Variants in CTNNA3 observed in about 807,000 individuals in gnomAD.
CTNNA3 encodes the protein catenin alpha 3.
A neutral mutation model predicts 95.7 loss-of-function variants in CTNNA3; 76 were observed. The ratio of observed to expected loss-of-function variants is 0.79; its 90% CI spans 0.66 to 0.96. The LOEUF (loss-of-function observed/expected upper bound fraction) is 0.96. Among genes scored for constraint, CTNNA3 ranks in the 40% least tolerant of loss-of-function variants. The pLI is 0.00. For synonymous variants in CTNNA3, 431 were observed against 374.4 expected (o/e 1.15, Z -1.74); for missense variants, 1,191 against 1,089.8 (o/e 1.09, Z -1.31).
intron 10 of CTNNA3, among the ~76,000 whole-genome samples, chr10:66,620,722 C>A (rs978881490): frequency 1.3e-5 from 2 of 152,098 alleles, no homozygotes; most frequent in Admixed American, 6.6e-5. Context: ...CCAGCTTGTT[C>A]TTACTTGTTA....
chr10:67,035,963 C>G (rs1376375217), intron 7 of CTNNA3, among the ~76,000 whole-genome samples: 1 of 152,020 alleles, frequency 6.6e-6, no homozygotes, highest in Admixed American at 6.6e-5. Flanking sequence ...TCTTGCTTTT[C>G]TTTTTTGACA....
chr10:67,551,608 C>A (rs569161370), intron 3 of CTNNA3, among the ~76,000 whole-genome samples: 1 of 152,180 alleles, frequency 6.6e-6, no homozygotes, highest in Non-Finnish European at 1.5e-5. Flanking sequence ...CCCACTGGGG[C>A]TTCAGAGCTG....
At chr10:67,535,459 C>T (rs1409076762) in intron 4 of CTNNA3, among the ~76,000 whole-genome samples, 1 of 144,074 alleles carries the variant, frequency 6.9e-6, no homozygotes, top group Non-Finnish European at 1.5e-5. Flanking sequence ...TCTACCTTTA[C>T]ATAATTAAAA....
At chr10:67,501,254 T>A (rs1286647996) in intron 5 of CTNNA3, among the ~76,000 whole-genome samples, 1 of 152,234 alleles carries the variant, frequency 6.6e-6, no homozygotes, top group Admixed American at 6.5e-5. Flanking sequence ...AATTCTGGGT[T>A]GAAAATTCTT....
At chr10:66,493,795 CG>C (rs1236558190) in intron 11 of CTNNA3, among the ~76,000 whole-genome samples, 2 of 149,092 alleles carry the variant, frequency 1.3e-5, no homozygotes, top group African/African-American at 2.5e-5. Context: ...TTAGTAGAGA[CG>C]GGGTTTCACC....
intron 12 of CTNNA3, among the ~76,000 whole-genome samples, chr10:66,376,182 A>G (rs1344916025): frequency 6.6e-6 from 1 of 152,186 alleles, no homozygotes; most frequent in Non-Finnish European, 1.5e-5. Context: ...ACGTAGTACA[A>G]AAGAACTGAA....
intron 5 of CTNNA3, among the ~76,000 whole-genome samples, chr10:67,373,076 C>T (rs1054288268): frequency 7.9e-5 from 12 of 152,090 alleles, no homozygotes; most frequent in African/African-American, 2.9e-4. Flanking sequence ...AACTAACGTG[C>T]AAAATCACCA....
intron 7 of CTNNA3, among the ~76,000 whole-genome samples, chr10:67,110,196 C>T (rs958916670): frequency 2.0e-5 from 3 of 152,126 alleles, no homozygotes; most frequent in African/African-American, 7.2e-5. Flanking sequence ...ACCTAAAACA[C>T]CCTTAATGTG....
chr10:67,345,714 G>A (rs905996068), intron 5 of CTNNA3, among the ~76,000 whole-genome samples: 2 of 151,876 alleles, frequency 1.3e-5, no homozygotes, highest in African/African-American at 4.8e-5. Context: ...GTCTATCTGT[G>A]TCTTTATAGG....
At chr10:66,252,538 A>C (rs2090600226) in intron 13 of CTNNA3, among the ~76,000 whole-genome samples, 1 of 152,230 alleles carries the variant, frequency 6.6e-6, no homozygotes, top group Non-Finnish European at 1.5e-5. Context: ...ATTCTAGCAC[A>C]AAATATGATA....
intron 13 of CTNNA3, among the ~76,000 whole-genome samples, chr10:66,110,382 AT>A (rs1174175248): frequency 1.5e-4 from 23 of 148,612 alleles, no homozygotes; most frequent in African/African-American, 5.3e-4. Flanking sequence ...AAAAAAAAAA[AT>A]TCAAATCAAT....
intron 9 of CTNNA3, among the ~76,000 whole-genome samples, chr10:66,649,005 C>CGCTAG (rs1485003467): frequency 2.0e-5 from 3 of 151,918 alleles, no homozygotes; most frequent in Non-Finnish European, 4.4e-5. Context: ...TTTAAAGGAA[C>CGCTAG]GCTAACATAG....
chr10:66,063,205 T>C (rs900377406), intron 15 of CTNNA3, among the ~76,000 whole-genome samples: 11 of 121,710 alleles, frequency 9.0e-5, no homozygotes, highest in African/African-American at 3.1e-4. Context: ...TATATATATA[T>C]ATATATATAG....
intron 9 of CTNNA3, among the ~76,000 whole-genome samples, chr10:66,687,926 AACTT>A (rs1189041301): frequency 2.6e-5 from 4 of 152,176 alleles, no homozygotes; most frequent in South Asian, 4.1e-4. Context: ...TTTGTAGGAT[AACTT>A]ACTTAATTGT....
intron 15 of CTNNA3, among the ~76,000 whole-genome samples, chr10:66,026,579 C>T (rs999120127): frequency 3.3e-5 from 5 of 152,094 alleles, no homozygotes; most frequent in African/African-American, 9.7e-5. Context: ...TGGCATTCTG[C>T]TAGGCCCTAT....
At chr10:66,793,116 G>GT (rs1234080265) in intron 7 of CTNNA3, among the ~76,000 whole-genome samples, 2 of 152,026 alleles carry the variant, frequency 1.3e-5, no homozygotes, top group African/African-American at 2.4e-5. Flanking sequence ...GTGTAATGAG[G>GT]TTTTGGGGGG....
At chr10:66,092,662 C>A (rs935475816) in intron 14 of CTNNA3, among the ~76,000 whole-genome samples, 2 of 151,880 alleles carry the variant, frequency 1.3e-5, no homozygotes, top group Non-Finnish European at 2.9e-5. Context: ...GCCTTGGTGG[C>A]ATTATAAACT....
In CTNNA3 at chr10:66,239,488, T is replaced by A. The variant is rs4514303; in HGVS notation, c.1884+40982A>T. Among the ~76,000 whole-genome samples, 270 of 151,954 alleles carry A rather than the reference T, an allele frequency of 1.8e-3. 1 individual carries two copies. Among genetic ancestry groups the A allele is most frequent in the African/African-American group, 6.0e-3 (248 of 41,464 alleles). Reference sequence around the variant, plus strand: ...TCTTTCGATAGCCTCTTTCAGAAACTGTGTTGAAAAAGCCTAATAGATTAG... The same window carrying A: ...TCTTTCGATAGCCTCTTTCAGAAACAGTGTTGAAAAAGCCTAATAGATTAG... On this transcript the variant is annotated intron_variant, in intron 13 of 17. Transcript: ENST00000433211.
At chr10:66,067,007 T>G (rs556007574) in intron 15 of CTNNA3, among the ~76,000 whole-genome samples, 36 of 150,970 alleles carry the variant, frequency 2.4e-4, no homozygotes, top group Non-Finnish European at 2.5e-4. Flanking sequence ...AAAAAAAAAA[T>G]ATACGCCAAA....
Sources: gnomAD v4.1 joint callset for allele counts (sites outside exome capture counted in the v4.1 genomes callset) on GRCh38, gnomAD v4.1.1 for gene constraint, MANE v1.5 for transcripts, NCBI Gene and HGNC (gene_info 2026-07-23, HGNC 2026-07-21) for gene names.